The following FNDC3B variants were observed in gnomAD, a reference collection of about 807,000 sequenced individuals.
The protein encoded by FNDC3B is fibronectin type III domain containing 3B, also known as fibronectin type III domain-containing protein 3B.
Under a neutral mutation model 151.5 loss-of-function variants are expected in FNDC3B, and 12 were observed. That is an observed-to-expected ratio of 0.08 (90% CI 0.05 to 0.13). FNDC3B has a LOEUF of 0.13. Ranked by LOEUF, FNDC3B falls within the 10% of genes least tolerant of loss-of-function variation. The probability of loss-of-function intolerance (pLI) is 1.00; values close to 1 mark genes in which losing one functional copy is unlikely to be tolerated. For synonymous variants in FNDC3B, 528 were observed against 549.0 expected (o/e 0.96, Z 0.54); for missense variants, 1,214 against 1,505.3 (o/e 0.81, Z 3.20).
intron 3 of FNDC3B, among the ~76,000 whole-genome samples, chr3:172,163,822 G>A (rs1297105424): frequency 6.6e-6 from 1 of 152,184 alleles, no homozygotes; most frequent in Non-Finnish European, 1.5e-5. Context: ...TTACCAAGGA[G>A]TAGAATTACT....
At chr3:172,335,639 A>G (rs1436924926) in intron 15 of FNDC3B, 2 of 152,180 alleles carry the variant, frequency 1.3e-5, no homozygotes, top group Admixed American at 6.5e-5. Flanking sequence ...TTTTAACATT[A>G]AAGTTCATAA....
At position 172,144,825 on chromosome 3, in the gene FNDC3B, C is replaced by T. The variant is rs566391640; in HGVS notation, c.187+11279C>T. 2.0e-5 allele frequency among the ~76,000 whole-genome samples: 3 copies of T among 151,956 alleles called. No individual in the cohort carries two copies. In the East Asian group the frequency reaches 5.8e-4, roughly 29 times the overall value. On this transcript the variant is annotated intron_variant, in intron 3 of 25. Coordinates refer to ENST00000415807, the MANE Select transcript of FNDC3B (RefSeq NM_022763.4). Reference sequence around the variant, plus strand: ...GCACACTATTTGTGAGGCAAGACTGCTGAGTTAATGGGGAATATGCTTTAC... The same window carrying T: ...GCACACTATTTGTGAGGCAAGACTGTTGAGTTAATGGGGAATATGCTTTAC...
intron 22 of FNDC3B, among the ~76,000 whole-genome samples, chr3:172,357,438 C>T (rs1230001935): frequency 1.3e-5 from 2 of 152,158 alleles, no homozygotes; most frequent in African/African-American, 4.8e-5. Flanking sequence ...GAAAACTTCT[C>T]AAGTTTGGGT....
At chr3:172,043,150 C>T (rs932895005) in intron 1 of FNDC3B, among the ~76,000 whole-genome samples, 2 of 152,230 alleles carry the variant, frequency 1.3e-5, no homozygotes, top group Admixed American at 6.5e-5. Flanking sequence ...CTCCTGACTT[C>T]AGGTGATCCA....
chr3:172,064,152 G>C (rs1717369570), intron 1 of FNDC3B, among the ~76,000 whole-genome samples: 2 of 152,074 alleles, frequency 1.3e-5, no homozygotes, highest in South Asian at 4.1e-4. Flanking sequence ...AAAATAGATA[G>C]ATAGATTAGA....
chr3:172,366,738 A>C (rs1000279378), intron 23 of FNDC3B, among the ~76,000 whole-genome samples: 3 of 152,242 alleles, frequency 2.0e-5, no homozygotes, highest in Admixed American at 1.3e-4. Context: ...AGGTAGGCTT[A>C]AAATCAAATG....
intron 25 of FNDC3B, among the ~76,000 whole-genome samples, chr3:172,388,237 G>T (rs761592798): frequency 6.6e-6 from 1 of 152,044 alleles, no homozygotes; most frequent in African/African-American, 2.4e-5. Context: ...TTCCCAAAAA[G>T]CTCCCTGTTA....
intron 6 of FNDC3B, among the ~76,000 whole-genome samples, chr3:172,254,912 T>C (rs1375815150): frequency 6.6e-6 from 1 of 152,250 alleles, no homozygotes; most frequent in Non-Finnish European, 1.5e-5. Context: ...CCATGTTCAC[T>C]TTGTAAAATG....
chr3:172,252,888 C>G (rs192645625), intron 6 of FNDC3B, among the ~76,000 whole-genome samples: 17 of 152,272 alleles, frequency 1.1e-4, no homozygotes, highest in Admixed American at 3.3e-4. Context: ...GACTTTTACA[C>G]AACTCTTAAG....
At chr3:172,142,829 C>T (rs1721697620) in intron 3 of FNDC3B, among the ~76,000 whole-genome samples, 1 of 152,158 alleles carries the variant, frequency 6.6e-6, no homozygotes, top group Non-Finnish European at 1.5e-5. Flanking sequence ...AATCTATTTC[C>T]TACAGTTCTG....
At chr3:172,252,873 CAA>C (rs1270604175) in intron 6 of FNDC3B, among the ~76,000 whole-genome samples, 14 of 152,152 alleles carry the variant, frequency 9.2e-5, no homozygotes, top group Non-Finnish European at 1.9e-4. Context: ...AGCAAAGATT[CAA>C]GAGACTTTTA....
chr3:172,221,515 G>A (rs6445050), intron 3 of FNDC3B, among the ~76,000 whole-genome samples: 101,267 of 152,052 alleles, frequency 0.67, 34,163 homozygotes, highest in Non-Finnish European at 0.73. Flanking sequence ...GACACTGTGC[G>A]AAGTGGGGCC....
chr3:172,107,071 A>G (rs1460711400), intron 1 of FNDC3B, among the ~76,000 whole-genome samples: 1 of 152,152 alleles, frequency 6.6e-6, no homozygotes, highest in Non-Finnish European at 1.5e-5. Flanking sequence ...TCTTGCTAGA[A>G]GGTAACCAGT....
At chr3:172,241,479 A>G (rs1388140155) in intron 4 of FNDC3B, among the ~76,000 whole-genome samples, 1 of 152,182 alleles carries the variant, frequency 6.6e-6, no homozygotes, top group Non-Finnish European at 1.5e-5. Flanking sequence ...GTTTAATCAG[A>G]CTTACAGTTC....
chr3:172,134,392 T>C (rs1312329174), intron 3 of FNDC3B: 1 of 518,494 alleles, frequency 1.9e-6, no homozygotes, highest in African/African-American at 1.9e-5. Context: ...ATAGCTCTTT[T>C]TGACAGTGAC....
chr3:172,344,521 G>A (rs1733511063), intron 19 of FNDC3B, among the ~76,000 whole-genome samples: 1 of 152,178 alleles, frequency 6.6e-6, no homozygotes, highest in Non-Finnish European at 1.5e-5. Flanking sequence ...ATATCACCCT[G>A]TAGATATTTT....
At chr3:172,222,954 T>G (rs143076366) in intron 3 of FNDC3B, among the ~76,000 whole-genome samples, 33 of 152,344 alleles carry the variant, frequency 2.2e-4, no homozygotes, top group African/African-American at 7.7e-4. Flanking sequence ...TCTTTCCTTT[T>G]GTCTCTTTGA....
rs149540682 is a variant in FNDC3B, at chr3:172,254,258, A to T, written c.790+2717A>T. Among the ~76,000 whole-genome samples, 547 of 152,236 alleles carry T rather than the reference A, an allele frequency of 3.6e-3. 3 individuals carry two copies. The highest frequency in any genetic ancestry group is 0.012 in the African/African-American group (517 of 41,524). ...TAATTTCTCTCTTGAGGTCTAGTTCACTCAGTTAACTATGCTTCAGAAACT... is the reference window on the plus strand; with the variant it reads ...TAATTTCTCTCTTGAGGTCTAGTTCTCTCAGTTAACTATGCTTCAGAAACT... On this transcript the variant is annotated intron_variant, in intron 6 of 25. Coordinates refer to ENST00000415807, the MANE Select transcript of FNDC3B (RefSeq NM_022763.4).
chr3:172,341,017 TTTTCA>T, intron 16 of FNDC3B, 91 bp from the exon 17 acceptor site: 1 of 819,158 alleles, frequency 1.2e-6, no homozygotes, highest in South Asian at 1.4e-5. Flanking sequence ...AAGATGTTGG[TTTTCA>T]TGAAAACATA....
Sources: gnomAD v4.1 joint callset for allele counts (sites outside exome capture counted in the v4.1 genomes callset) on GRCh38, gnomAD v4.1.1 for gene constraint, MANE v1.5 for transcripts, NCBI Gene and HGNC (gene_info 2026-07-23, HGNC 2026-07-21) for gene names.